Variants in ZFP3 observed in about 807,000 individuals in gnomAD.
ZFP3 encodes the protein zinc finger protein 3 homolog.
Under a neutral mutation model 36.7 loss-of-function variants are expected in ZFP3, and 18 were observed. That is an observed-to-expected ratio of 0.49 (90% CI 0.34 to 0.73). The LOEUF is 0.73. Among genes scored for constraint, ZFP3 ranks in the 30% least tolerant of loss-of-function variants. The probability of loss-of-function intolerance (pLI) is 0.01; values close to 1 mark genes in which losing one functional copy is unlikely to be tolerated. For synonymous variants in ZFP3, 218 were observed against 199.0 expected, an observed-to-expected ratio of 1.10 and a Z score of -0.81; for missense variants, 495 against 599.0, an observed-to-expected ratio of 0.83 and a Z score of 1.81.
chr17:5,083,974 C>A (rs1260252272), intron 1 of ZFP3, among the ~76,000 whole-genome samples: 1 of 151,894 alleles, frequency 6.6e-6, no homozygotes, highest in Admixed American at 6.6e-5. Context: ...TCAACTGATT[C>A]TCCTGCCTCA....
intron 1 of ZFP3, among the ~76,000 whole-genome samples, chr17:5,087,910 T>TG (rs1567749212): frequency 6.6e-6 from 1 of 152,138 alleles, no homozygotes; most frequent in Non-Finnish European, 1.5e-5. Context: ...GTTAGGTTTC[T>TG]GGGGCAAAGA....
In ZFP3 at chr17:5,092,934, A is replaced by C; in HGVS notation, c.1430A>C (p.Tyr477Ser). Reference protein sequence around the residue: ...HQRIHTGEKPYECQECQKTFS... With the variant: ...HQRIHTGEKPSECQECQKTFS... ...AGAATTCACACTGGAGAGAAGCCTT[A>C]TGAGTGCCAAGAATGTCAGAAGACT... The change falls in exon 2 of 2, where the codon TAT becomes TCT. Residue 477 changes from tyrosine (Y) to serine (S), a missense_variant. Tyr to Ser is a moderately radical substitution (Grantham distance 144). Coordinates refer to ENST00000318833, the MANE Select transcript of ZFP3 (RefSeq NM_153018.3). The surrounding 1 kb of genome is among the most constrained non-coding windows in gnomAD (Gnocchi z 5.0). The C allele has an allele frequency of 6.2e-7, 1 of 1,614,012 alleles. No homozygotes were observed. Among genetic ancestry groups the C allele is most frequent in the Non-Finnish European group, 8.5e-7 (1 of 1,179,966 alleles).
At chr17:5,088,558 C>T (rs1011268020) in intron 1 of ZFP3, among the ~76,000 whole-genome samples, 1 of 151,868 alleles carries the variant, frequency 6.6e-6, no homozygotes, top group African/African-American at 2.4e-5. Context: ...TCGTGATCCT[C>T]CCGCCTTGGC....
rs368890150 is a variant in ZFP3 at position 5,079,866 on chromosome 17, C to T, written c.-9+1291C>T. ...ACCAGCCTGGCCAACATGGTGAAAC[C>T]CTGTCTCTACTAGAAATACAAAATT... On this transcript the variant is annotated intron_variant, in intron 1 of 1. Transcript: ENST00000318833. 1.1e-4 allele frequency among the ~76,000 whole-genome samples: 16 copies of T among 152,052 alleles called. No homozygotes were observed. In the East Asian group the frequency reaches 3.1e-3, roughly 30 times the overall value.
At chr17:5,091,447 T>C in intron 1 of ZFP3, 50 bp from the exon 2 acceptor site, 1 of 1,546,128 alleles carries the variant, frequency 6.5e-7, no homozygotes, top group Non-Finnish European at 8.8e-7. Context: ...AGTGTTAGCT[T>C]CATTTAAATA....
At chr17:5,083,024 G>A (rs2072102244) in intron 1 of ZFP3, among the ~76,000 whole-genome samples, 1 of 152,140 alleles carries the variant, frequency 6.6e-6, no homozygotes, top group African/African-American at 2.4e-5. Flanking sequence ...AGTTTGTTAA[G>A]CATAAGAGAA....
intron 1 of ZFP3, among the ~76,000 whole-genome samples, chr17:5,081,915 T>G (rs2143519001): frequency 7.0e-6 from 1 of 142,248 alleles, no homozygotes; most frequent in Middle Eastern, 3.5e-3. Flanking sequence ...TCTTCTTTTA[T>G]AAAAGAAAGA....
intron 1 of ZFP3, among the ~76,000 whole-genome samples, chr17:5,086,725 T>C (rs113552343): frequency 0.034 from 2,707 of 78,988 alleles, 93 homozygotes; most frequent in African/African-American, 0.15. Context: ...ATTTTCTTTC[T>C]TTTTTTTTTT....
At chr17:5,079,566 T>C (rs529449889) in intron 1 of ZFP3, among the ~76,000 whole-genome samples, 1 of 152,316 alleles carries the variant, frequency 6.6e-6, no homozygotes, top group East Asian at 1.9e-4. Flanking sequence ...CAAATTCACT[T>C]AACATTTACC....
chr17:5,085,864 G>A (rs2072118347), intron 1 of ZFP3, among the ~76,000 whole-genome samples: 1 of 152,208 alleles, frequency 6.6e-6, no homozygotes, highest in East Asian at 1.9e-4. Context: ...AGGATGAAAA[G>A]GAAAGGCCAG....
At chr17:5,084,533 C>T (rs1047869668) in intron 1 of ZFP3, among the ~76,000 whole-genome samples, 1 of 151,342 alleles carries the variant, frequency 6.6e-6, no homozygotes, top group Non-Finnish European at 1.5e-5. Context: ...CCTCGGCCTC[C>T]CAAAGTGCTG....
In ZFP3 at chr17:5,092,921, G is replaced by A; in HGVS notation, c.1417G>A (p.Gly473Arg). Residue 473 changes from glycine to arginine, a missense_variant, in exon 2 of 2, where the codon GGA becomes AGA. This residue lies in a region of ZFP3 where 163 missense variants were observed against 178.4 expected (regional missense o/e 0.91). Transcript: ENST00000318833. This position sits in a 1 kb window ranked among gnomAD's most constrained non-coding sequence, Gnocchi z 5.0. Reference sequence around the variant, plus strand: ...TATCATACATCAGAGAATTCACACTGGAGAGAAGCCTTATGAGTGCCAAGA... The same window carrying A: ...TATCATACATCAGAGAATTCACACTAGAGAGAAGCCTTATGAGTGCCAAGA... The part of the protein sequence containing the change: ...QLIIHQRIHT[G>R]EKPYECQECQ... The A allele has an allele frequency of 6.2e-7, 1 of 1,614,156 alleles. No homozygotes were observed. Among genetic ancestry groups the A allele is most frequent in the South Asian group, 1.1e-5 (1 of 91,064 alleles).
Position 5,091,676 on chromosome 17 carries a change from G to A in ZFP3, c.172G>A (p.Val58Ile), listed in dbSNP as rs754610722. 1 of 1,614,220 alleles carries A rather than the reference G, an allele frequency of 6.2e-7. No individual in the cohort carries two copies. The highest frequency in any genetic ancestry group is 8.5e-7 in the Non-Finnish European group (1 of 1,180,046). Reference sequence around the variant, plus strand: ...ACATTCGAGAGAGTCCATGGAAGAGGTTATAGAGCAGATGTCTCCTCAGGA... The same window carrying A: ...ACATTCGAGAGAGTCCATGGAAGAGATTATAGAGCAGATGTCTCCTCAGGA... ...EGHSRESMEE[V>I]IEQMSPQERD... Residue 58 changes from valine (V) to isoleucine (I), a missense_variant, in exon 2 of 2, where the codon GTT becomes ATT. Physicochemically the swap from Val to Ile is conservative, Grantham distance 29. Coordinates refer to ENST00000318833, the MANE Select transcript of ZFP3 (RefSeq NM_153018.3).
rs1274348833 is a variant in ZFP3, at chr17:5,096,090, G to T, written c.*3077G>T. 1 of 166,788 alleles carries T rather than the reference G, an allele frequency of 6.0e-6. No individual in the cohort carries two copies. The highest frequency in any genetic ancestry group is 1.5e-5 in the Non-Finnish European group (1 of 68,098). The allele number at this position is 166,788 out of a possible 1,614,324, so 10.3% of individuals were successfully genotyped here. On this transcript the variant is annotated 3_prime_UTR_variant, in exon 2 of 2. Transcript: ENST00000318833. ...TCAGGAAGATTTCTCTTTTCCTTCT[G>T]TTTGCCTCCCTCTTCGACTTACTTG...
chr17:5,092,741 A>G lies in ZFP3; in HGVS notation c.1237A>G (p.Arg413Gly). 6.2e-7 allele frequency: 1 copy of G among 1,614,176 alleles called. No homozygotes were observed. Among genetic ancestry groups the G allele is most frequent in the African/African-American group, 1.3e-5 (1 of 75,038 alleles). Reference sequence around the variant, plus strand: ...GACCTCTCACCTTATTGTCCACCAGAGAATTCATACTGGAGAGAAACCCCA... The same window carrying G: ...GACCTCTCACCTTATTGTCCACCAGGGAATTCATACTGGAGAGAAACCCCA... The part of the protein sequence containing the change: ...RRTSHLIVHQ[R>G]IHTGEKPHQC... The change falls in exon 2 of 2, where the codon AGA becomes GGA. Residue 413 changes from arginine (R) to glycine (G), a missense_variant. Arg to Gly is a moderately radical substitution (Grantham distance 125). Transcript: ENST00000318833. The surrounding 1 kb of genome is among the most constrained non-coding windows in gnomAD (Gnocchi z 5.0).
intron 1 of ZFP3, among the ~76,000 whole-genome samples, chr17:5,085,265 C>A (rs1054892811): frequency 3.3e-5 from 5 of 151,932 alleles, no homozygotes; most frequent in Admixed American, 1.3e-4. Flanking sequence ...AGGCTGGTCT[C>A]GAACTCCTGA....
intron 1 of ZFP3, among the ~76,000 whole-genome samples, chr17:5,084,430 T>TA (rs2072110401): frequency 8.4e-6 from 1 of 118,552 alleles, no homozygotes; most frequent in African/African-American, 3.3e-5. Flanking sequence ...CGCCCGCCAC[T>TA]ACGCCCGGCT....
chr17:5,083,545 CA>C lies in ZFP3; in HGVS notation c.-9+4985del, dbSNP rs35689875. Reference sequence around the variant, plus strand: ...GGGGAACAAGAGTGAAACTCTATCTCAAAAAAAAAAAAAAAGACTTTGTAAC... The same window carrying C: ...GGGGAACAAGAGTGAAACTCTATCTCAAAAAAAAAAAAAAGACTTTGTAAC... On this transcript the variant is annotated intron_variant, in intron 1 of 1. Transcript: ENST00000318833. Among the ~76,000 whole-genome samples, 250 of 138,810 alleles carry C rather than the reference CA, an allele frequency of 1.8e-3. 2 individuals are homozygous for C. Among genetic ancestry groups the C allele is most frequent in the East Asian group, 0.018 (80 of 4,460 alleles). 91.1% of individuals were successfully genotyped at this position (138,810 alleles called of 152,430 possible).
chr17:5,084,982 T>A lies in ZFP3; in HGVS notation c.-9+6407T>A, dbSNP rs572208110. On this transcript the variant is annotated intron_variant, in intron 1 of 1. Coordinates refer to ENST00000318833, the MANE Select transcript of ZFP3 (RefSeq NM_153018.3). ...GTATTTGACAAATGACATACTGTGT[T>A]GCTGGCAGAATGCAAAGTAAAAGAA... Among the ~76,000 whole-genome samples the A allele has an allele frequency of 2.6e-5, 4 of 152,312 alleles. No individual in the cohort carries two copies. The South Asian group carries it at 8.3e-4, about 32-fold the overall frequency.
Sources: gnomAD v4.1 joint callset for allele counts (sites outside exome capture counted in the v4.1 genomes callset) on GRCh38, gnomAD v4.1.1 for gene constraint, gnomAD v4.1.1 regional missense constraint, Gnocchi (gnomAD v3.1) non-coding constraint, MANE v1.5 for transcripts, NCBI Gene and HGNC (gene_info 2026-07-23, HGNC 2026-07-21) for gene names.